Variants in WDR19 observed in about 807,000 individuals in gnomAD.
The protein encoded by WDR19 is WD repeat domain 19, also known as WD repeat-containing protein 19.
A neutral mutation model predicts 180.0 loss-of-function variants in WDR19; 121 were observed. The ratio of observed to expected loss-of-function variants is 0.67; its 90% confidence interval spans 0.58 to 0.78. The LOEUF is 0.78. Among genes scored for constraint, WDR19 ranks in the 30% least tolerant of loss-of-function variants. WDR19 has a pLI of 0.00. For missense variants in WDR19, 1,450 were observed against 1,640.7 expected (o/e 0.88, Z 2.01); for synonymous variants, 497 against 540.7 (o/e 0.92, Z 1.12).
At chr4:39,265,840 G>C (rs1273561286) in intron 28 of WDR19, among the ~76,000 whole-genome samples, 2 of 150,792 alleles carry the variant, frequency 1.3e-5, no homozygotes, top group African/African-American at 4.9e-5. Flanking sequence ...ATGGTATTTT[G>C]ATACAGCAGC....
intron 9 of WDR19, 167 bp downstream of exon 9, chr4:39,205,903 G>A (rs1727904006): frequency 3.1e-6 from 2 of 650,600 alleles, no homozygotes; most frequent in African/African-American, 3.7e-5. Context: ...ATAAAACAAA[G>A]TATAGTTGAA....
intron 34 of WDR19, 81 bp from the exon 35 acceptor site, chr4:39,278,050 T>C (rs1736077048): frequency 1.1e-6 from 1 of 887,192 alleles, no homozygotes; most frequent in Non-Finnish European, 1.7e-6. Context: ...CAAGATTCCG[T>C]CAAAAAAAAA....
intron 4 of WDR19, among the ~76,000 whole-genome samples, chr4:39,191,437 A>C (rs1726140099): frequency 6.6e-6 from 1 of 152,226 alleles, no homozygotes; most frequent in African/African-American, 2.4e-5. Context: ...CACCTGAAAT[A>C]GTACCCAAAA....
chr4:39,224,004 T>C (rs1729973007), intron 14 of WDR19, among the ~76,000 whole-genome samples: 1 of 152,190 alleles, frequency 6.6e-6, no homozygotes, highest in Non-Finnish European at 1.5e-5. Context: ...AGTTAAATAT[T>C]TTGTGTCTTT....
Position 39,244,235 on chromosome 4 carries a change from C to T in WDR19, c.2422-13C>T, listed in dbSNP as rs1335828137. On this transcript the variant is annotated splice_polypyrimidine_tract_variant and intron_variant, in intron 21 of 36. Coordinates refer to ENST00000399820, the MANE Select transcript of WDR19 (RefSeq NM_025132.4). ...TAGAATCTGATTTGTTAGTGTTTGCCTTGTGATTGCAGGAACATGATGAAG... is the reference window on the plus strand; with the variant it reads ...TAGAATCTGATTTGTTAGTGTTTGCTTTGTGATTGCAGGAACATGATGAAG... 2 of 1,606,768 alleles carry T rather than the reference C, an allele frequency of 1.2e-6. No homozygotes were observed. The highest frequency in any genetic ancestry group is 1.7e-6 in the Non-Finnish European group (2 of 1,174,672).
At chr4:39,273,341 G>A in intron 32 of WDR19, 1 of 421,596 alleles carries the variant, frequency 2.4e-6, no homozygotes, top group Non-Finnish European at 4.2e-6. Context: ...AAGGCGAGCA[G>A]GTGCAGGCAC....
At chr4:39,276,835 T>TA in intron 33 of WDR19, 185 bp from the exon 34 acceptor site, 2 of 654,222 alleles carry the variant, frequency 3.1e-6, no homozygotes, top group Non-Finnish European at 5.0e-6. Flanking sequence ...CAATCCTAGG[T>TA]ACTCTTCCTC....
intron 1 of WDR19, among the ~76,000 whole-genome samples, chr4:39,185,141 G>A (rs1190351354): frequency 1.3e-5 from 2 of 152,138 alleles, no homozygotes; most frequent in Non-Finnish European, 2.9e-5. Flanking sequence ...GTGGTTTGTA[G>A]CCTCCATATT....
intron 32 of WDR19, chr4:39,274,572 C>A: frequency 4.0e-6 from 2 of 505,636 alleles, no homozygotes; most frequent in Non-Finnish European, 7.1e-6. Flanking sequence ...GGTGCAGGTC[C>A]TAGTGTTACA....
At chr4:39,221,407 T>A (rs1729690949) in intron 14 of WDR19, among the ~76,000 whole-genome samples, 1 of 152,240 alleles carries the variant, frequency 6.6e-6, no homozygotes, top group African/African-American at 2.4e-5. Flanking sequence ...AGTAGTCTGT[T>A]CATAAAGCAG....
intron 9 of WDR19, among the ~76,000 whole-genome samples, chr4:39,214,165 A>G (rs903442808): frequency 2.0e-5 from 3 of 152,174 alleles, no homozygotes; most frequent in African/African-American, 7.2e-5. Context: ...TGTTCTTTCT[A>G]TACTATAATT....
At chr4:39,217,429 C>T (rs557374687) in intron 13 of WDR19, among the ~76,000 whole-genome samples, 189 bp downstream of exon 13, 35 of 152,168 alleles carry the variant, frequency 2.3e-4, no homozygotes, top group South Asian at 1.7e-3. Context: ...CCCTGTTCCC[C>T]AAAAACCTGA....
At position 39,228,369 on chromosome 4, in the gene WDR19, C is replaced by CT. The variant is rs1730498210; in HGVS notation, c.1777+16dup. 6.2e-6 allele frequency: 10 copies of CT among 1,603,842 alleles called. No individual in the cohort carries two copies. The highest frequency in any genetic ancestry group is 8.5e-6 in the Non-Finnish European group (10 of 1,173,458). ...GGACACTATACAAGGTACTAAACCC[C>CT]TTTTGTGTATATTCGCTGACAGATG... On this transcript the variant is annotated intron_variant, in intron 16 of 36. Coordinates refer to ENST00000399820, the MANE Select transcript of WDR19 (RefSeq NM_025132.4).
At chr4:39,244,624 C>T in intron 23 of WDR19, 72 bp downstream of exon 23, 11 of 1,530,516 alleles carry the variant, frequency 7.2e-6, no homozygotes, top group Non-Finnish European at 9.9e-6. Context: ...CCCCACTTGC[C>T]TCCTTGCCAT....
chr4:39,194,440 G>A, intron 4 of WDR19, 104 bp from the exon 5 acceptor site: 1 of 634,724 alleles, frequency 1.6e-6, no homozygotes, highest in South Asian at 2.6e-5. Context: ...TTTGTACTTT[G>A]GCTTCTAAGT....
At chr4:39,218,212 T>C in intron 14 of WDR19, 107 bp downstream of exon 14, 1 of 1,313,798 alleles carries the variant, frequency 7.6e-7, no homozygotes. Context: ...TTGAATCCAA[T>C]ACAATTAATG....
chr4:39,195,952 GTTA>G (rs1305713248), intron 5 of WDR19, among the ~76,000 whole-genome samples: 1 of 152,108 alleles, frequency 6.6e-6, no homozygotes, highest in Non-Finnish European at 1.5e-5. Flanking sequence ...TCTATTAACT[GTTA>G]TTATTGGTGT....
intron 17 of WDR19, among the ~76,000 whole-genome samples, chr4:39,229,024 A>C (rs1206354305): frequency 6.6e-6 from 1 of 151,750 alleles, no homozygotes; most frequent in African/African-American, 2.4e-5. Context: ...CCCATTGTTT[A>C]CCTCCCACTT....
At chr4:39,186,175 T>C (rs137915387) in intron 2 of WDR19, among the ~76,000 whole-genome samples, 39 of 152,204 alleles carry the variant, frequency 2.6e-4, no homozygotes, top group African/African-American at 9.4e-4. Flanking sequence ...TTTATATACA[T>C]AGATAAATGA....
Sources: allele counts gnomAD v4.1 joint callset (sites outside exome capture counted in the v4.1 genomes callset), GRCh38; gene constraint gnomAD v4.1.1; transcripts MANE v1.5; gene names NCBI Gene and HGNC (gene_info 2026-07-23, HGNC 2026-07-21).